NCOR1: variants seen among roughly 807,000 people sequenced by gnomAD.
NCOR1 encodes the protein nuclear receptor corepressor 1, also known as protein phosphatase 1, regulatory subunit 109.
Under a neutral mutation model 288.1 loss-of-function variants are expected in NCOR1, and 63 were observed. That is an observed-to-expected ratio of 0.22 (90% CI 0.18 to 0.27). The LOEUF (loss-of-function observed/expected upper bound fraction) is 0.27. NCOR1 is among the 10% of genes least tolerant of loss of function. The probability of loss-of-function intolerance (pLI) is 1.00; values close to 1 mark genes in which losing one functional copy is unlikely to be tolerated. For missense variants in NCOR1, 2,397 were observed against 3,019.2 expected (o/e 0.79, Z 4.83); for synonymous variants, 1,007 against 1,065.9 (o/e 0.94, Z 1.08).
chr17:16,135,995 T>A (rs951909529), intron 14 of NCOR1, among the ~76,000 whole-genome samples: 1 of 152,148 alleles, frequency 6.6e-6, no homozygotes, highest in African/African-American at 2.4e-5. Flanking sequence ...TATCCGGGTG[T>A]AGACAGCAAA....
intron 1 of NCOR1, among the ~76,000 whole-genome samples, chr17:16,196,457 G>A (rs1308298252): frequency 6.6e-6 from 1 of 152,036 alleles, no homozygotes; most frequent in Admixed American, 6.6e-5. Flanking sequence ...ATCTCCTAAG[G>A]CCAGGCGTTC....
At chr17:16,049,031 A>T (rs1353102533) in intron 40 of NCOR1, 43 bp from the exon 41 acceptor site, 2 of 1,526,716 alleles carry the variant, frequency 1.3e-6, no homozygotes, top group African/African-American at 1.4e-5. Flanking sequence ...TCAAAGGCTA[A>T]CCTGGGACTT....
intron 1 of NCOR1, among the ~76,000 whole-genome samples, chr17:16,203,093 T>G (rs2091056091): frequency 6.6e-6 from 1 of 151,188 alleles, no homozygotes; most frequent in African/African-American, 2.5e-5. Context: ...CCCAGGCCTC[T>G]CCATCTAACT....
intron 26 of NCOR1, among the ~76,000 whole-genome samples, chr17:16,076,706 T>C (rs2062508887): frequency 6.6e-6 from 1 of 152,124 alleles, no homozygotes; most frequent in Admixed American, 6.5e-5. Flanking sequence ...AAAGTAGATT[T>C]TATACAAAAA....
At chr17:16,158,302 T>C (rs1207039560) in intron 6 of NCOR1, among the ~76,000 whole-genome samples, 2 of 152,168 alleles carry the variant, frequency 1.3e-5, no homozygotes, top group Non-Finnish European at 2.9e-5. Flanking sequence ...GTTCAAACCA[T>C]AGCCCAACTA....
At chr17:16,202,079 CG>C (rs2090888352) in intron 1 of NCOR1, among the ~76,000 whole-genome samples, 1 of 152,024 alleles carries the variant, frequency 6.6e-6, no homozygotes, top group African/African-American at 2.4e-5. Flanking sequence ...CAAAAATTAG[CG>C]GGGCGTAGTG....
intron 21 of NCOR1, among the ~76,000 whole-genome samples, chr17:16,093,272 T>A: frequency 6.6e-6 from 1 of 152,186 alleles, no homozygotes. Context: ...CTTGACTAAT[T>A]AATCTCCTCC....
intron 26 of NCOR1, among the ~76,000 whole-genome samples, chr17:16,079,444 CAACT>C (rs1384061750): frequency 1.3e-4 from 20 of 152,114 alleles, no homozygotes; most frequent in Admixed American, 6.5e-4. Context: ...TTAAAATTAA[CAACT>C]AACTGAGAGA....
chr17:16,185,008 C>CAAA (rs34725978), intron 3 of NCOR1, among the ~76,000 whole-genome samples: 60 of 97,360 alleles, frequency 6.2e-4, no homozygotes, highest in African/African-American at 2.3e-3. Context: ...GAATCTTAAA[C>CAAA]AAAAAAAAAA....
At chr17:16,161,062 A>T (rs915926307) in intron 5 of NCOR1, among the ~76,000 whole-genome samples, 3 of 152,142 alleles carry the variant, frequency 2.0e-5, no homozygotes, top group Non-Finnish European at 4.4e-5. Context: ...AAATTCTGAG[A>T]TCATTTTTAT....
intron 15 of NCOR1, among the ~76,000 whole-genome samples, chr17:16,121,928 C>T (rs1176452146): frequency 2.0e-5 from 3 of 152,168 alleles, no homozygotes; most frequent in African/African-American, 4.8e-5. Context: ...AGCTGCCTCA[C>T]CCCCATGGGC....
chr17:16,166,122 A>G (rs2081959070), intron 4 of NCOR1, among the ~76,000 whole-genome samples: 1 of 152,186 alleles, frequency 6.6e-6, no homozygotes, highest in Admixed American at 6.5e-5. Flanking sequence ...CATATTCTCT[A>G]ATAGTATGCG....
intron 34 of NCOR1, 105 bp from the exon 35 acceptor site, chr17:16,064,292 A>G: frequency 1.4e-6 from 2 of 1,421,142 alleles, no homozygotes; most frequent in Non-Finnish European, 1.9e-6. Flanking sequence ...AAAAGCTTCA[A>G]ATTTGGGATA....
chr17:16,209,797 C>A (rs559153002), intron 1 of NCOR1, among the ~76,000 whole-genome samples: 21 of 151,412 alleles, frequency 1.4e-4, no homozygotes, highest in African/African-American at 5.1e-4. Flanking sequence ...ACTAAAAACA[C>A]AAAAATTAGC....
intron 1 of NCOR1, among the ~76,000 whole-genome samples, chr17:16,201,777 C>A (rs924581005): frequency 5.9e-5 from 9 of 151,972 alleles, no homozygotes; most frequent in African/African-American, 1.9e-4. Flanking sequence ...CTCACTCACT[C>A]AACTTATAAG....
At chr17:16,046,680 A>T (rs2058703796) in intron 42 of NCOR1, among the ~76,000 whole-genome samples, 1 of 152,196 alleles carries the variant, frequency 6.6e-6, no homozygotes, top group Non-Finnish European at 1.5e-5. Context: ...AACTATGGAG[A>T]GTTAATCCAG....
rs2153149558 is a variant in NCOR1 at position 16,121,054 on chromosome 17, G to A, written c.1850C>T (p.Pro617Leu). 6.2e-7 allele frequency: 1 copy of A among 1,611,742 alleles called. No individual in the cohort carries two copies. The highest frequency in any genetic ancestry group is 8.5e-7 in the Non-Finnish European group (1 of 1,178,392). ...TTATGCCAATTGTTTCCACTCACTG[G>A]GTTCTGGTGGCGGTGGCAGAGGTGG... ...PPPPLPPPPE[P>L]ISTEPVETSR... The change falls in exon 16 of 46, where the codon CCC becomes CTC. Residue 617 changes from proline to leucine, a missense_variant and splice_region_variant. This residue lies in a region of NCOR1 where 24 missense variants were observed against 84.3 expected (regional missense o/e 0.28). Coordinates refer to ENST00000268712, the MANE Select transcript of NCOR1 (RefSeq NM_006311.4).
rs1567824121 is a variant in NCOR1, at chr17:16,070,350, G to C, written c.4328C>G (p.Thr1443Ser). Reference sequence around the variant, plus strand: ...CACTGACGTGTGCCGGGAACGCACGGTCTCGCCTGCTTTCACATCCTCATA... The same window carrying C: ...CACTGACGTGTGCCGGGAACGCACGCTCTCGCCTGCTTTCACATCCTCATA... ...GKYEDVKAGE[T>S]VRSRHTSVVS... The change falls in exon 31 of 46, where the codon ACC becomes AGC. Residue 1443 changes from threonine (T) to serine (S), a missense_variant. By Grantham distance (58) the Thr-to-Ser change is moderately conservative. Coordinates refer to ENST00000268712, the MANE Select transcript of NCOR1 (RefSeq NM_006311.4). 6.2e-7 allele frequency: 1 copy of C among 1,614,154 alleles called. No homozygotes were observed. Among genetic ancestry groups the C allele is most frequent in the Non-Finnish European group, 8.5e-7 (1 of 1,180,026 alleles).
intron 40 of NCOR1, chr17:16,049,281 G>A (rs1361149832): frequency 3.9e-5 from 8 of 203,890 alleles, no homozygotes; most frequent in African/African-American, 1.8e-4. Flanking sequence ...CTGCGTCCTT[G>A]AGGCTCCGCA....
Sources: gnomAD v4.1 joint callset for allele counts (sites outside exome capture counted in the v4.1 genomes callset) on GRCh38, gnomAD v4.1.1 for gene constraint, gnomAD v4.1.1 regional missense constraint, MANE v1.5 for transcripts, NCBI Gene and HGNC (gene_info 2026-07-23, HGNC 2026-07-21) for gene names.